The following EPB41L5 variants were observed in gnomAD, a reference collection of about 807,000 sequenced individuals.
EPB41L5 encodes band 4.1-like protein 5.
EPB41L5 carries 55 observed loss-of-function variants against 106.6 expected under a neutral mutation model. The observed-to-expected ratio is 0.52, with a 90% CI of 0.42 to 0.65. The LOEUF (loss-of-function observed/expected upper bound fraction) is 0.65. Ranked by LOEUF, EPB41L5 falls within the 30% of genes least tolerant of loss-of-function variation. The probability of loss-of-function intolerance (pLI) is 0.00; values close to 1 mark genes in which losing one functional copy is unlikely to be tolerated. For missense variants in EPB41L5, 871 were observed against 882.1 expected (o/e 0.99, Z 0.16); for synonymous variants, 297 against 306.7 (o/e 0.97, Z 0.33).
rs1156871910 is a variant in EPB41L5, at chr2:120,082,965, T to C, written c.804-4206T>C. Among the ~76,000 whole-genome samples the C allele has an allele frequency of 6.6e-5, 10 of 152,326 alleles. No homozygotes were observed. In the East Asian group the frequency reaches 1.5e-3, roughly 23 times the overall value. On this transcript the variant is annotated intron_variant, in intron 10 of 24. Coordinates refer to ENST00000263713, the MANE Select transcript of EPB41L5 (RefSeq NM_020909.4). The stretch of plus-strand genomic sequence containing the variant: ...CGGTGGTAATATCCCCTTTATCATT[T>C]TTTATTGCTTCTATTTGATTCTTCT...
chr2:120,057,305 G>A (rs772046158), intron 3 of EPB41L5, among the ~76,000 whole-genome samples: 1 of 152,146 alleles, frequency 6.6e-6, no homozygotes, highest in African/African-American at 2.4e-5. Context: ...TATGGTCATC[G>A]TTGTTTTAGT....
Position 120,075,750 on chromosome 2 carries a change from C to A in EPB41L5, c.502C>A (p.Gln168Lys). 6.2e-7 allele frequency: 1 copy of A among 1,611,706 alleles called. No homozygotes were observed. The highest frequency in any genetic ancestry group is 8.5e-7 in the Non-Finnish European group (1 of 1,177,988). ...AGTGCAATTGGCAGCTTATAATCTG[C>A]AAGGTAAGCAATTCTTATGTTGACT... Reference protein sequence around the residue: ...TAVQLAAYNLQAELGDYDLAE... With the variant: ...TAVQLAAYNLKAELGDYDLAE... The change falls in exon 7 of 25, where the codon CAA (glutamine) becomes AAA (lysine). Residue 168 changes from glutamine to lysine, a missense_variant. Physicochemically the swap from Gln to Lys is moderately conservative, Grantham distance 53 (BLOSUM62 1). Coordinates refer to ENST00000263713, the MANE Select transcript of EPB41L5 (RefSeq NM_020909.4).
At chr2:120,034,599 A>G (rs929344769) in intron 2 of EPB41L5, among the ~76,000 whole-genome samples, 3 of 151,990 alleles carry the variant, frequency 2.0e-5, no homozygotes, top group Admixed American at 2.0e-4. Flanking sequence ...CAGTGTGACC[A>G]CGCCTATAAC....
intron 17 of EPB41L5, among the ~76,000 whole-genome samples, 194 bp from the exon 18 acceptor site, chr2:120,131,424 T>G (rs1013398316): frequency 1.1e-4 from 17 of 152,176 alleles, no homozygotes; most frequent in African/African-American, 3.9e-4. Flanking sequence ...CTACTTAGGA[T>G]TAACTCTTAT....
At chr2:120,069,617 C>G (rs935437659) in intron 3 of EPB41L5, among the ~76,000 whole-genome samples, 7 of 152,208 alleles carry the variant, frequency 4.6e-5, no homozygotes, top group Non-Finnish European at 8.8e-5. Context: ...AACAAACAGT[C>G]TCTCAGACCA....
At chr2:120,035,181 C>T (rs1273084544) in intron 2 of EPB41L5, among the ~76,000 whole-genome samples, 3 of 152,128 alleles carry the variant, frequency 2.0e-5, no homozygotes, top group East Asian at 1.9e-4. Context: ...CCCATAGTTA[C>T]CTTGTTCTGT....
intron 20 of EPB41L5, among the ~76,000 whole-genome samples, chr2:120,155,967 A>G (rs1316934718): frequency 6.6e-6 from 1 of 152,146 alleles, no homozygotes; most frequent in Non-Finnish European, 1.5e-5. Context: ...AAGAGGCCCC[A>G]CGACCACCAC....
At chr2:120,122,912 T>C (rs977872359) in intron 16 of EPB41L5, among the ~76,000 whole-genome samples, 12 of 152,180 alleles carry the variant, frequency 7.9e-5, no homozygotes, top group Admixed American at 3.3e-4. Context: ...AGGTATTTTA[T>C]TCTCTTTGAA....
intron 16 of EPB41L5, chr2:120,104,501 C>G: frequency 2.7e-6 from 3 of 1,124,286 alleles, no homozygotes; most frequent in Non-Finnish European, 3.3e-6. Flanking sequence ...AGTTTTCAGA[C>G]CTTAGTATGT....
At chr2:120,045,030 C>A (rs1032601590) in intron 3 of EPB41L5, among the ~76,000 whole-genome samples, 1 of 152,124 alleles carries the variant, frequency 6.6e-6, no homozygotes, top group Non-Finnish European at 1.5e-5. Context: ...CCATATTCAA[C>A]CTCAGAATGA....
chr2:120,034,438 T>G (rs1031580165), intron 2 of EPB41L5, among the ~76,000 whole-genome samples: 6 of 152,152 alleles, frequency 3.9e-5, no homozygotes, highest in African/African-American at 1.4e-4. Context: ...TGGAAACATA[T>G]AAGTTTGGTA....
chr2:120,100,137 G>A (rs1025871981), intron 14 of EPB41L5, 107 bp from the exon 15 acceptor site: 19 of 788,572 alleles, frequency 2.4e-5, no homozygotes, highest in Admixed American at 2.8e-5. Flanking sequence ...GAAACAAAAC[G>A]TTAATATCTT....
intron 20 of EPB41L5, among the ~76,000 whole-genome samples, chr2:120,159,907 T>C (rs564332653): frequency 1.3e-5 from 2 of 152,278 alleles, no homozygotes; most frequent in Admixed American, 1.3e-4. Context: ...TGAAATAGAA[T>C]GAAATTGTGT....
chr2:120,028,197 G>A (rs1678471042), intron 2 of EPB41L5, among the ~76,000 whole-genome samples: 1 of 151,082 alleles, frequency 6.6e-6, no homozygotes, highest in African/African-American at 2.4e-5. Context: ...AGAATGCATT[G>A]ATTTTTGTGT....
intron 4 of EPB41L5, among the ~76,000 whole-genome samples, chr2:120,073,846 T>C (rs560156481): frequency 2.0e-5 from 3 of 152,288 alleles, no homozygotes; most frequent in South Asian, 2.1e-4. Context: ...GTCAAGACTT[T>C]TATTTGATGC....
intron 16 of EPB41L5, among the ~76,000 whole-genome samples, chr2:120,107,872 C>A (rs1183192087): frequency 2.0e-5 from 3 of 152,130 alleles, no homozygotes; most frequent in Non-Finnish European, 4.4e-5. Flanking sequence ...TCATTTCTTT[C>A]ATCAATTCCT....
intron 20 of EPB41L5, among the ~76,000 whole-genome samples, chr2:120,148,246 C>T (rs1387046486): frequency 6.6e-6 from 1 of 152,066 alleles, no homozygotes; most frequent in African/African-American, 2.4e-5. Context: ...ACCATTACCA[C>T]TATAATAAAT....
At chr2:120,092,179 C>T (rs1683468551) in intron 13 of EPB41L5, among the ~76,000 whole-genome samples, 1 of 152,026 alleles carries the variant, frequency 6.6e-6, no homozygotes, top group Non-Finnish European at 1.5e-5. Context: ...CAGGCATGCG[C>T]CACCACTCCT....
At chr2:120,091,751 C>G in intron 13 of EPB41L5, 90 bp downstream of exon 13, 2 of 962,352 alleles carry the variant, frequency 2.1e-6, no homozygotes, top group Non-Finnish European at 3.2e-6. Context: ...TTACCTGAAT[C>G]TCCTCCTCAG....
Sources: allele counts gnomAD v4.1 joint callset (sites outside exome capture counted in the v4.1 genomes callset), GRCh38; gene constraint gnomAD v4.1.1; transcripts MANE v1.5; gene names NCBI Gene and HGNC (gene_info 2026-07-23, HGNC 2026-07-21).